The following MTSS1 variants were observed in gnomAD, a reference collection of about 807,000 sequenced individuals.
MTSS1 encodes the protein MTSS I-BAR domain containing 1, also known as protein MTSS 1.
MTSS1 carries 18 observed loss-of-function variants against 79.0 expected under a neutral mutation model. The ratio of observed to expected loss-of-function variants is 0.23; its 90% CI spans 0.16 to 0.34. The LOEUF (loss-of-function observed/expected upper bound fraction) is 0.34, where lower values mean the gene tolerates loss of function less well. MTSS1 is among the 10% of genes least tolerant of loss of function. The pLI, the probability that MTSS1 is intolerant of heterozygous loss-of-function variation, is 1.00. For synonymous variants in MTSS1, 341 were observed against 368.6 expected (o/e 0.93, Z 0.86); for missense variants, 815 against 986.2 (o/e 0.83, Z 2.33).
Position 124,728,363 on chromosome 8 carries a change from A to G in MTSS1, c.-408T>C, listed in dbSNP as rs1424046846. The stretch of plus-strand genomic sequence containing the variant: ...TAATAAATTTTTCTGCAATTAAAAA[A>G]AAATCGCCCAACAGCAGAGCGGGTC... On this transcript the variant is annotated 5_prime_UTR_variant, in exon 1 of 14. Coordinates refer to ENST00000518547, the MANE Select transcript of MTSS1 (RefSeq NM_014751.6). The surrounding 1 kb of genome is among the most constrained non-coding windows in gnomAD (Gnocchi z 6.1). 1 of 153,802 alleles carries G rather than the reference A, an allele frequency of 6.5e-6. No individual in the cohort carries two copies. The highest frequency in any genetic ancestry group is 1.4e-5 in the Non-Finnish European group (1 of 69,340). The allele number at this position is 153,802 out of a possible 1,614,324, so 9.5% of individuals were successfully genotyped here.
chr8:124,616,495 C>T (rs1836895414), intron 3 of MTSS1, among the ~76,000 whole-genome samples: 1 of 152,010 alleles, frequency 6.6e-6, no homozygotes, highest in African/African-American at 2.4e-5. Flanking sequence ...TATGTCAGTG[C>T]TGGGCAGAGG....
chr8:124,658,665 G>A (rs1821429048), intron 3 of MTSS1, among the ~76,000 whole-genome samples: 1 of 152,146 alleles, frequency 6.6e-6, no homozygotes, highest in Non-Finnish European at 1.5e-5. Flanking sequence ...GAAGCAGGAG[G>A]GAGAGACAGA....
In MTSS1 at chr8:124,553,018, C is replaced by A. The variant is rs747921165; in HGVS notation, c.2242G>T (p.Asp748Tyr). ...TAAGAAAAGCGAGGGGCTGAGCGAT[C>A]GTTTGTCGTGGTCTTCTTCAGTTTC... Reference protein sequence around the residue: ...GVKLKKTTTNDRSAPRFS With the variant: ...GVKLKKTTTNYRSAPRFS Residue 748 changes from aspartate (D) to tyrosine (Y), a missense_variant, in exon 14 of 14, where the codon GAT becomes TAT. Transcript: ENST00000518547. The surrounding 1 kb of genome is among the most constrained non-coding windows in gnomAD (Gnocchi z 6.0). 1.2e-6 allele frequency: 2 copies of A among 1,613,648 alleles called. No homozygotes were observed. The highest frequency in any genetic ancestry group is 4.5e-5 in the East Asian group (2 of 44,876).
chr8:124,617,354 C>A (rs111565967), intron 3 of MTSS1, among the ~76,000 whole-genome samples: 107 of 152,250 alleles, frequency 7.0e-4, no homozygotes, highest in African/African-American at 2.2e-3. Context: ...CCATTCAGAC[C>A]GCGAGCAGAC....
At chr8:124,681,293 G>A (rs1197321015) in intron 3 of MTSS1, among the ~76,000 whole-genome samples, 2 of 151,852 alleles carry the variant, frequency 1.3e-5, no homozygotes, top group South Asian at 4.2e-4. Context: ...CCAACCTCAG[G>A]ACTCCTACAT....
intron 1 of MTSS1, among the ~76,000 whole-genome samples, chr8:124,714,535 T>A (rs929176802): frequency 1.3e-5 from 2 of 152,190 alleles, no homozygotes; most frequent in African/African-American, 4.8e-5. Context: ...CTGTCTTGGC[T>A]CACTGCAACC....
chr8:124,602,207 A>ACACACACACACACACATATATATATATAT, intron 3 of MTSS1, among the ~76,000 whole-genome samples: 4 of 142,218 alleles, frequency 2.8e-5, no homozygotes, highest in East Asian at 4.0e-4. Flanking sequence ...ATATATATAT[A>ACACACACACACACACATATATATATATAT]ATTTTTTTTT....
Position 124,553,139 on chromosome 8 carries a change from G to C in MTSS1, c.2121C>G (p.Val707=), listed in dbSNP as rs771172981. Reference sequence around the variant, plus strand: ...CACTCTCTGGAATCTGGCCTGGGGAGACAGTGGCACTTGGGGGTTCCCGTT... The same window carrying C: ...CACTCTCTGGAATCTGGCCTGGGGACACAGTGGCACTTGGGGGTTCCCGTT... The part of the protein sequence containing the change: ...DQEREPPSAT[V]SPGQIPESDP... The change falls in exon 14 of 14, where the codon GTC becomes GTG. Residue 707 remains valine (V), a synonymous_variant. Coordinates refer to ENST00000518547, the MANE Select transcript of MTSS1 (RefSeq NM_014751.6). The surrounding 1 kb of genome is among the most constrained non-coding windows in gnomAD (Gnocchi z 6.0). 6.2e-7 allele frequency: 1 copy of C among 1,614,070 alleles called. No homozygotes were observed. The highest frequency in any genetic ancestry group is 1.3e-5 in the African/African-American group (1 of 74,928).
In MTSS1 at chr8:124,552,705, GT is replaced by G. The variant is rs1822720063; in HGVS notation, c.*286del. ...TGCATTTAAAATTTTACAAAGACTT[GT>G]AAAAAAGTTAAATGGAATTTGGCAC... is the stretch of plus-strand genomic sequence containing the variant. On this transcript the variant is annotated 3_prime_UTR_variant, in exon 14 of 14. Coordinates refer to ENST00000518547, the MANE Select transcript of MTSS1 (RefSeq NM_014751.6). 2.7e-6 allele frequency: 1 copy of G among 375,954 alleles called. No individual in the cohort carries two copies. The highest frequency in any genetic ancestry group is 2.0e-5 in the African/African-American group (1 of 48,888). The allele number at this position is 375,954 out of a possible 1,614,324, so 23.3% of individuals were successfully genotyped here. A position where few individuals can be genotyped will look rare whatever the true frequency, so the allele number is the denominator to read the frequency against.
chr8:124,618,733 C>T (rs1388746425), intron 3 of MTSS1, among the ~76,000 whole-genome samples: 1 of 152,190 alleles, frequency 6.6e-6, no homozygotes, highest in African/African-American at 2.4e-5. Flanking sequence ...GTCTGCTCAT[C>T]CACAGTACAA....
intron 3 of MTSS1, among the ~76,000 whole-genome samples, chr8:124,599,605 G>A (rs941807024): frequency 2.6e-5 from 4 of 152,044 alleles, no homozygotes; most frequent in Non-Finnish European, 5.9e-5. Flanking sequence ...TATAACAAAT[G>A]TGAGTGTAGG....
intron 3 of MTSS1, among the ~76,000 whole-genome samples, chr8:124,624,997 G>A (rs1340166467): frequency 6.6e-6 from 1 of 152,164 alleles, no homozygotes; most frequent in Admixed American, 6.5e-5. Flanking sequence ...GTAACAACAC[G>A]TGCCCCAAAT....
intron 3 of MTSS1, among the ~76,000 whole-genome samples, chr8:124,616,104 G>A (rs1836794620): frequency 6.6e-6 from 1 of 152,194 alleles, no homozygotes; most frequent in Non-Finnish European, 1.5e-5. Context: ...AGTTCATGAT[G>A]CCAAATTCAG....
At chr8:124,641,131 G>T (rs1817967740) in intron 3 of MTSS1, among the ~76,000 whole-genome samples, 1 of 152,026 alleles carries the variant, frequency 6.6e-6, no homozygotes, top group Admixed American at 6.5e-5. Flanking sequence ...TGGGGGAGGG[G>T]ACATGGCAGG....
chr8:124,637,483 C>T (rs1175897684), intron 3 of MTSS1, among the ~76,000 whole-genome samples: 4 of 152,288 alleles, frequency 2.6e-5, no homozygotes, highest in East Asian at 1.9e-4. Context: ...GCCAGACCCA[C>T]GGCTCCAACA....
intron 5 of MTSS1, among the ~76,000 whole-genome samples, chr8:124,588,579 C>A (rs1831278395): frequency 6.6e-6 from 1 of 152,192 alleles, no homozygotes. Flanking sequence ...GTCTCACCGA[C>A]CTGGGACAAC....
At position 124,552,768 on chromosome 8, in the gene MTSS1, G is replaced by A; in HGVS notation, c.*224C>T. The A allele has an allele frequency of 2.1e-6, 1 of 478,862 alleles. No individual in the cohort carries two copies. The highest frequency in any genetic ancestry group is 4.7e-5 in the South Asian group (1 of 21,384). 29.7% of individuals were successfully genotyped at this position (478,862 alleles called of 1,614,324 possible). A position where few individuals can be genotyped will look rare whatever the true frequency, so the allele number is the denominator to read the frequency against. On this transcript the variant is annotated 3_prime_UTR_variant, in exon 14 of 14. Coordinates refer to ENST00000518547, the MANE Select transcript of MTSS1 (RefSeq NM_014751.6). ...TCAAAAGGGAAACTAAGATTAAAAT[G>A]TGCAGAAAGAAAATTGTCAATATTT...
chr8:124,614,287 T>C (rs561886450), intron 3 of MTSS1, among the ~76,000 whole-genome samples: 230 of 152,184 alleles, frequency 1.5e-3, no homozygotes, highest in African/African-American at 5.1e-3. Flanking sequence ...CTTGCTCAAT[T>C]GGAGGCCAGG....
At chr8:124,703,591 A>AGACTT (rs1830005354) in intron 2 of MTSS1, among the ~76,000 whole-genome samples, 1 of 152,088 alleles carries the variant, frequency 6.6e-6, no homozygotes, top group Non-Finnish European at 1.5e-5. Context: ...ACACCCAGCC[A>AGACTT]ACAGGAGGTT....
Sources: gnomAD v4.1 joint callset for allele counts (sites outside exome capture counted in the v4.1 genomes callset) on GRCh38, gnomAD v4.1.1 for gene constraint, Gnocchi (gnomAD v3.1) non-coding constraint, MANE v1.5 for transcripts, NCBI Gene and HGNC (gene_info 2026-07-23, HGNC 2026-07-21) for gene names.